MDFIC2: variants seen among roughly 807,000 people sequenced by gnomAD.
MDFIC2 encodes the protein MyoD family inhibitor domain containing 2.
At chr3:70,213,236 T>C (rs773868691) in intron 2 of MDFIC2, among the ~76,000 whole-genome samples, 47 of 152,056 alleles carry the variant, frequency 3.1e-4, no homozygotes, top group Non-Finnish European at 5.1e-4. Flanking sequence ...GCCTCCTGAG[T>C]AGATCTTTTT....
At chr3:70,221,675 A>G (rs1472562839) in intron 2 of MDFIC2, among the ~76,000 whole-genome samples, 1 of 152,176 alleles carries the variant, frequency 6.6e-6, no homozygotes, top group Non-Finnish European at 1.5e-5. Flanking sequence ...TGACTGGTCA[A>G]TGATGCCAAG....
chr3:70,240,347 T>TA (rs1447309372), intron 2 of MDFIC2, among the ~76,000 whole-genome samples: 1 of 152,028 alleles, frequency 6.6e-6, no homozygotes, highest in African/African-American at 2.4e-5. Flanking sequence ...TTTTTTTTTT[T>TA]AATCTCTCCA....
At chr3:70,256,421 T>TAATA (rs1464037027) in intron 2 of MDFIC2, among the ~76,000 whole-genome samples, 1 of 152,200 alleles carries the variant, frequency 6.6e-6, no homozygotes, top group Non-Finnish European at 1.5e-5. Flanking sequence ...AAACTGCAAT[T>TAATA]AATAAAAGCT....
intron 2 of MDFIC2, among the ~76,000 whole-genome samples, chr3:70,220,364 G>T (rs1207702547): frequency 6.6e-6 from 1 of 152,034 alleles, no homozygotes; most frequent in Non-Finnish European, 1.5e-5. Context: ...CCAGGAGTTT[G>T]AAGCTGCAGT....
chr3:70,258,098 T>A lies in MDFIC2; in HGVS notation c.89-51308A>T, dbSNP rs115116260. 6.0e-3 allele frequency among the ~76,000 whole-genome samples: 914 copies of A among 152,204 alleles called. 8 individuals carry two copies. Among genetic ancestry groups the A allele is most frequent in the African/African-American group, 0.021 (879 of 41,530 alleles). ...TATTCATAAGGAAAAGTTAAATGAA[T>A]CCCAACTTTCATTTCACATCATAGA... is the stretch of plus-strand genomic sequence containing the variant. On this transcript the variant is annotated intron_variant, in intron 2 of 3. Coordinates refer to ENST00000567252, the MANE Select transcript of MDFIC2 (RefSeq NM_001364677.1).
intron 2 of MDFIC2, among the ~76,000 whole-genome samples, chr3:70,275,774 G>A (rs146648961): frequency 1.3e-5 from 2 of 152,244 alleles, no homozygotes; most frequent in Admixed American, 1.3e-4. Context: ...GAAGTTTATA[G>A]CATATAATAA....
chr3:70,267,301 C>G, intron 2 of MDFIC2, among the ~76,000 whole-genome samples: 1 of 149,520 alleles, frequency 6.7e-6, no homozygotes, highest in African/African-American at 2.4e-5. Flanking sequence ...CTACCATATT[C>G]TAAAAAATAT....
At chr3:70,305,234 C>T (rs1251514262) in intron 2 of MDFIC2, among the ~76,000 whole-genome samples, 2 of 151,686 alleles carry the variant, frequency 1.3e-5, no homozygotes, top group East Asian at 1.9e-4. Context: ...TTTTTTCCGT[C>T]GGCTATGCTT....
chr3:70,241,778 A>G (rs1479949204), intron 2 of MDFIC2, among the ~76,000 whole-genome samples: 4 of 152,148 alleles, frequency 2.6e-5, no homozygotes, highest in African/African-American at 7.2e-5. Context: ...CCTAAAAACC[A>G]TTAATGTTGA....
Position 70,308,878 on chromosome 3 carries a change from G to A in MDFIC2, c.88+3008C>T, listed in dbSNP as rs190170395. On this transcript the variant is annotated intron_variant, in intron 2 of 3. Coordinates refer to ENST00000567252, the MANE Select transcript of MDFIC2 (RefSeq NM_001364677.1). Reference sequence around the variant, plus strand: ...GCAGTGCACTCAGTGCTTTGTGTCAGTGACTCCAGTGAAGTGCTTGTTCCA... The same window carrying A: ...GCAGTGCACTCAGTGCTTTGTGTCAATGACTCCAGTGAAGTGCTTGTTCCA... Among the ~76,000 whole-genome samples the A allele has an allele frequency of 1.2e-3, 190 of 152,232 alleles. 2 individuals are homozygous for A. Among genetic ancestry groups the A allele is most frequent in the Middle Eastern group, 3.4e-3 (1 of 294 alleles).
At chr3:70,286,224 T>G (rs1702161148) in intron 2 of MDFIC2, among the ~76,000 whole-genome samples, 1 of 152,224 alleles carries the variant, frequency 6.6e-6, no homozygotes, top group Non-Finnish European at 1.5e-5. Context: ...CCATCTTGAA[T>G]TAATTTTTGT....
At chr3:70,286,433 C>G (rs1464588549) in intron 2 of MDFIC2, among the ~76,000 whole-genome samples, 3 of 151,768 alleles carry the variant, frequency 2.0e-5, no homozygotes, top group African/African-American at 7.3e-5. Context: ...TGTTTTGGTA[C>G]CAGTACCATG....
intron 2 of MDFIC2, among the ~76,000 whole-genome samples, chr3:70,285,839 G>C (rs1309627041): frequency 6.6e-6 from 1 of 151,984 alleles, no homozygotes; most frequent in African/African-American, 2.4e-5. Flanking sequence ...TGTGTTTTTT[G>C]GCTGCATAAA....
chr3:70,218,054 C>T (rs1333925482), intron 2 of MDFIC2, among the ~76,000 whole-genome samples: 1 of 152,090 alleles, frequency 6.6e-6, no homozygotes, highest in Non-Finnish European at 1.5e-5. Context: ...ACTCCTTTTG[C>T]CCACTCTGTG....
chr3:70,237,901 A>G (rs1253607295), intron 2 of MDFIC2, among the ~76,000 whole-genome samples: 1 of 149,534 alleles, frequency 6.7e-6, no homozygotes, highest in African/African-American at 2.4e-5. Context: ...GGATGAACTT[A>G]CCAGGATCTC....
intron 2 of MDFIC2, among the ~76,000 whole-genome samples, chr3:70,311,144 T>G (rs1434868144): frequency 6.6e-6 from 1 of 152,200 alleles, no homozygotes; most frequent in African/African-American, 2.4e-5. Flanking sequence ...TTTAAGAATG[T>G]CAACTACTTA....
chr3:70,203,253 A>C (rs1434782105), intron 3 of MDFIC2, among the ~76,000 whole-genome samples: 1 of 152,136 alleles, frequency 6.6e-6, no homozygotes, highest in Non-Finnish European at 1.5e-5. Context: ...CAGAGAATTC[A>C]GCATCATAAT....
intron 2 of MDFIC2, among the ~76,000 whole-genome samples, chr3:70,290,738 C>A (rs567865896): frequency 6.6e-6 from 1 of 152,156 alleles, no homozygotes; most frequent in African/African-American, 2.4e-5. Flanking sequence ...ACCCTCCGAG[C>A]CAGGTGCAGG....
chr3:70,242,955 A>T (rs949507134), intron 2 of MDFIC2, among the ~76,000 whole-genome samples: 1 of 152,194 alleles, frequency 6.6e-6, no homozygotes, highest in Non-Finnish European at 1.5e-5. Context: ...GACTTTAAAA[A>T]AATTGCCCCA....
Sources: gnomAD v4.1 joint callset for allele counts (sites outside exome capture counted in the v4.1 genomes callset) on GRCh38, gnomAD v4.1.1 for gene constraint, MANE v1.5 for transcripts, NCBI Gene and HGNC (gene_info 2026-07-23, HGNC 2026-07-21) for gene names.